The following TANC2 variants were observed in gnomAD, a reference collection of about 807,000 sequenced individuals.
The protein encoded by TANC2 is tetratricopeptide repeat, ankyrin repeat and coiled-coil containing 2.
Under a neutral mutation model 210.5 loss-of-function variants are expected in TANC2, and 26 were observed. The observed-to-expected ratio is 0.12, with a 90% CI of 0.09 to 0.17. The LOEUF is 0.17. TANC2 is among the 10% of genes least tolerant of loss of function. TANC2 has a pLI of 1.00. For synonymous variants in TANC2, 931 were observed against 967.1 expected, an observed-to-expected ratio of 0.96 and a Z score of 0.69; for missense variants, 2,129 against 2,608.9, an observed-to-expected ratio of 0.82 and a Z score of 4.01.
intron 2 of TANC2, among the ~76,000 whole-genome samples, chr17:63,067,225 G>T (rs72843175): frequency 0.14 from 21,144 of 152,040 alleles, 1,902 homozygotes; most frequent in Middle Eastern, 0.21. Flanking sequence ...GATACAGAAA[G>T]AACTAGGAAA....
In TANC2 at chr17:63,025,821, T is replaced by A. The variant is rs78367612; in HGVS notation, c.67+16195T>A. Among the ~76,000 whole-genome samples, 1,217 of 141,474 alleles carry A rather than the reference T, an allele frequency of 8.6e-3. 17 individuals are homozygous for A. Among genetic ancestry groups the A allele is most frequent in the African/African-American group, 0.022 (786 of 36,372 alleles). The allele number at this position is 141,474 out of a possible 152,430, so 92.8% of individuals were successfully genotyped here. A position where few individuals can be genotyped will look rare whatever the true frequency, so the allele number is the denominator to read the frequency against. On this transcript the variant is annotated intron_variant, in intron 2 of 27. Transcript: ENST00000689528. ...AAAAATAAAATAAAATAAAATTAAA[T>A]TAAAATAAAATAAAATAAAATAAAA...
At position 63,063,531 on chromosome 17, in the gene TANC2, C is replaced by CGTGT. The variant is rs59132639; in HGVS notation, c.68-10371_68-10368dup. ...CCTGTGTCAGAAACTGGGACAAAGA[C>CGTGT]GTGTGTGTGTGTGTGTGTGTGTGTG... On this transcript the variant is annotated intron_variant, in intron 2 of 27. Coordinates refer to ENST00000689528, the Ensembl canonical transcript of TANC2. Among the ~76,000 whole-genome samples the CGTGT allele has an allele frequency of 8.6e-3, 930 of 108,164 alleles. 9 individuals are homozygous for CGTGT. Among genetic ancestry groups the CGTGT allele is most frequent in the Middle Eastern group, 0.021 (5 of 238 alleles). The allele number at this position is 108,164 out of a possible 152,430, so 71.0% of individuals were successfully genotyped here. A position where few individuals can be genotyped will look rare whatever the true frequency, so the allele number is the denominator to read the frequency against.
intron 1 of TANC2, among the ~76,000 whole-genome samples, chr17:63,001,515 TTTTTC>T (rs936691002): frequency 2.0e-5 from 3 of 148,780 alleles, no homozygotes; most frequent in Non-Finnish European, 4.5e-5. Flanking sequence ...TTCCTTTTCG[TTTTTC>T]TTTTCTTTTC....
At chr17:63,158,027 G>A (rs2039896878) in intron 5 of TANC2, among the ~76,000 whole-genome samples, 1 of 152,104 alleles carries the variant, frequency 6.6e-6, no homozygotes, top group Admixed American at 6.5e-5. Context: ...CATGTATACT[G>A]TAGTTATTGG....
At chr17:63,387,818 T>C (rs184894147) in intron 15 of TANC2, among the ~76,000 whole-genome samples, 8 of 152,366 alleles carry the variant, frequency 5.3e-5, no homozygotes, top group Admixed American at 4.6e-4. Context: ...GTGCCAGTGA[T>C]ACTAGGAGAA....
chr17:63,173,232 T>C (rs1009159070), intron 5 of TANC2, among the ~76,000 whole-genome samples: 5 of 152,194 alleles, frequency 3.3e-5, no homozygotes, highest in Admixed American at 2.6e-4. Flanking sequence ...ATCTTAACAC[T>C]ATCCTTTGAG....
intron 1 of TANC2, among the ~76,000 whole-genome samples, chr17:62,974,868 T>C (rs2031912297): frequency 6.6e-6 from 1 of 152,178 alleles, no homozygotes; most frequent in Non-Finnish European, 1.5e-5. Context: ...AGACATAAAA[T>C]TCATAAAGAA....
intron 2 of TANC2, among the ~76,000 whole-genome samples, chr17:63,021,058 C>A: frequency 6.6e-6 from 1 of 152,162 alleles, no homozygotes; most frequent in East Asian, 1.9e-4. Flanking sequence ...GCCCCATCTC[C>A]AACATTGGGG....
chr17:63,255,903 C>CTTTTTTTTTT (rs1170508286), intron 8 of TANC2, among the ~76,000 whole-genome samples: 1 of 84,272 alleles, frequency 1.2e-5, no homozygotes, highest in Non-Finnish European at 2.4e-5. Context: ...TTTGACTTTT[C>CTTTTTTTTTT]TTTTTTTTTT....
chr17:63,191,451 A>G (rs1310002680), intron 5 of TANC2, among the ~76,000 whole-genome samples: 1 of 151,458 alleles, frequency 6.6e-6, no homozygotes, highest in Non-Finnish European at 1.5e-5. Context: ...AGATATTCCC[A>G]CCTTTTAAAA....
intron 9 of TANC2, among the ~76,000 whole-genome samples, chr17:63,312,442 C>T (rs905623679): frequency 5.3e-5 from 8 of 152,046 alleles, no homozygotes; most frequent in African/African-American, 1.9e-4. Context: ...AGGTCATTAT[C>T]CTAAGTGAAT....
chr17:63,147,855 T>A (rs924439511), intron 4 of TANC2, among the ~76,000 whole-genome samples: 1 of 152,194 alleles, frequency 6.6e-6, no homozygotes, highest in African/African-American at 2.4e-5. Context: ...ACTGTTCACA[T>A]CCCCTTAGAC....
intron 2 of TANC2, among the ~76,000 whole-genome samples, chr17:63,070,845 A>C (rs1462463404): frequency 6.6e-6 from 1 of 152,158 alleles, no homozygotes; most frequent in Non-Finnish European, 1.5e-5. Context: ...TTTAAAATGC[A>C]AATTATTCTA....
intron 15 of TANC2, chr17:63,381,100 A>G (rs1217433461): frequency 1.3e-5 from 2 of 152,262 alleles, no homozygotes; most frequent in African/African-American, 4.8e-5. Flanking sequence ...AGATGCAAAA[A>G]TGAAGCTAAT....
intron 25 of TANC2, 34 bp downstream of exon 25, chr17:63,413,668 C>T (rs2048773705): frequency 1.3e-6 from 2 of 1,525,280 alleles, no homozygotes; most frequent in Non-Finnish European, 1.8e-6. Flanking sequence ...TTCTTCAGAA[C>T]AGCCACTGAC....
intron 14 of TANC2, among the ~76,000 whole-genome samples, chr17:63,361,874 C>T (rs2046967747): frequency 6.6e-6 from 1 of 152,220 alleles, no homozygotes; most frequent in Non-Finnish European, 1.5e-5. Context: ...AGCTCCTTTC[C>T]ACAAGCAGGT....
chr17:63,309,741 G>A (rs1156909390), intron 9 of TANC2, among the ~76,000 whole-genome samples: 1 of 151,600 alleles, frequency 6.6e-6, no homozygotes, highest in Non-Finnish European at 1.5e-5. Flanking sequence ...TTGAAACTAT[G>A]TATTTTTCAA....
At chr17:63,400,844 G>A (rs369557326) in intron 19 of TANC2, among the ~76,000 whole-genome samples, 5 of 151,590 alleles carry the variant, frequency 3.3e-5, no homozygotes, top group African/African-American at 1.2e-4. Flanking sequence ...GTAAAGATGG[G>A]GTTTCACCAT....
chr17:63,055,727 C>G (rs1228285547), intron 2 of TANC2, among the ~76,000 whole-genome samples: 2 of 150,028 alleles, frequency 1.3e-5, no homozygotes, highest in Non-Finnish European at 3.0e-5. Flanking sequence ...TGAAGGAGGC[C>G]TTATCTGTAA....
Sources: allele counts gnomAD v4.1 joint callset (sites outside exome capture counted in the v4.1 genomes callset), GRCh38; gene constraint gnomAD v4.1.1; transcripts MANE v1.5; gene names NCBI Gene and HGNC (gene_info 2026-07-23, HGNC 2026-07-21).